The following CCDC178 variants were observed in gnomAD, a reference collection of about 807,000 sequenced individuals.
CCDC178 encodes the protein coiled-coil domain-containing protein 178.
Under a neutral mutation model 117.4 loss-of-function variants are expected in CCDC178, and 126 were observed. That is an observed-to-expected ratio of 1.07 (90% confidence interval 0.93 to 1.24). The LOEUF (loss-of-function observed/expected upper bound fraction) is 1.24, where lower values mean the gene tolerates loss of function less well. Among genes scored for constraint, CCDC178 ranks in the 50% most tolerant of loss-of-function variants. The pLI is 0.00. For synonymous variants in CCDC178, 283 were observed against 313.4 expected (o/e 0.90, Z 1.02); for missense variants, 1,030 against 986.9 (o/e 1.04, Z -0.59).
chr18:33,275,314 G>C (rs2144799017), intron 12 of CCDC178, among the ~76,000 whole-genome samples: 1 of 151,768 alleles, frequency 6.6e-6, no homozygotes, highest in African/African-American at 2.4e-5. Flanking sequence ...TATTTATTTT[G>C]AAAAACATAC....
intron 20 of CCDC178, among the ~76,000 whole-genome samples, chr18:33,130,619 T>C (rs2058058989): frequency 6.6e-6 from 1 of 151,978 alleles, no homozygotes; most frequent in South Asian, 2.1e-4. Context: ...CCAGGGGGCA[T>C]TCTCTTGGTA....
chr18:33,240,605 T>A (rs973497356), intron 15 of CCDC178, among the ~76,000 whole-genome samples: 1 of 151,536 alleles, frequency 6.6e-6, no homozygotes, highest in Non-Finnish European at 1.5e-5. Context: ...CTAATAAATA[T>A]GAAAACCTAG....
At chr18:33,425,383 G>T (rs896846043) in intron 2 of CCDC178, among the ~76,000 whole-genome samples, 2 of 152,126 alleles carry the variant, frequency 1.3e-5, no homozygotes, top group African/African-American at 4.8e-5. Context: ...AAGAAAAACA[G>T]AATTACAGGG....
chr18:33,383,164 G>A (rs2063457088), intron 5 of CCDC178, among the ~76,000 whole-genome samples: 1 of 152,176 alleles, frequency 6.6e-6, no homozygotes, highest in South Asian at 2.1e-4. Context: ...CACTGGGCAT[G>A]GACAGGGCCT....
chr18:33,440,618 G>C (rs1038036531), intron 1 of CCDC178, 35 bp downstream of exon 1: 2 of 148,480 alleles, frequency 1.3e-5, no homozygotes. Flanking sequence ...CGAGGCACAA[G>C]CGCCCGCGCC....
chr18:33,396,264 A>C (rs184078563), intron 4 of CCDC178, among the ~76,000 whole-genome samples: 34 of 152,250 alleles, frequency 2.2e-4, no homozygotes, highest in Admixed American at 1.8e-3. Flanking sequence ...GCTACATAGT[A>C]TGGGGATTGT....
chr18:33,013,347 G>C (rs1568217360), intron 21 of CCDC178, among the ~76,000 whole-genome samples: 2 of 151,968 alleles, frequency 1.3e-5, no homozygotes, highest in Non-Finnish European at 2.9e-5. Flanking sequence ...TAAGGGATTT[G>C]GGCCCTCTTG....
At chr18:33,256,146 C>A (rs772560028) in intron 14 of CCDC178, among the ~76,000 whole-genome samples, 2 of 151,842 alleles carry the variant, frequency 1.3e-5, no homozygotes, top group Non-Finnish European at 2.9e-5. Flanking sequence ...AATAATCTAG[C>A]AAATATTGCT....
chr18:33,424,110 C>T (rs997953483), intron 2 of CCDC178, among the ~76,000 whole-genome samples: 1 of 152,070 alleles, frequency 6.6e-6, no homozygotes, highest in East Asian at 1.9e-4. Flanking sequence ...GTAAATAGTG[C>T]AAATATATTG....
At chr18:32,990,831 A>C (rs2055373296) in intron 21 of CCDC178, among the ~76,000 whole-genome samples, 1 of 151,922 alleles carries the variant, frequency 6.6e-6, no homozygotes, top group South Asian at 2.1e-4. Context: ...GACTGATACC[A>C]ATATGAAAAA....
At chr18:33,355,198 G>A (rs1386865141) in intron 7 of CCDC178, among the ~76,000 whole-genome samples, 1 of 152,112 alleles carries the variant, frequency 6.6e-6, no homozygotes, top group Admixed American at 6.6e-5. Flanking sequence ...ATTTTAATGT[G>A]AAATAAAAAC....
intron 2 of CCDC178, among the ~76,000 whole-genome samples, chr18:33,424,514 T>C (rs2064086988): frequency 6.6e-6 from 1 of 152,130 alleles, no homozygotes; most frequent in Admixed American, 6.5e-5. Flanking sequence ...TCATACTTGG[T>C]TCTAAGCCAC....
chr18:33,376,281 C>T (rs533019379), intron 5 of CCDC178, among the ~76,000 whole-genome samples: 4 of 151,904 alleles, frequency 2.6e-5, no homozygotes, highest in South Asian at 4.2e-4. Context: ...GGGGGAGGGG[C>T]GGGGAGGGCG....
chr18:32,955,197 A>G (rs2054569786), intron 22 of CCDC178, among the ~76,000 whole-genome samples: 2 of 151,598 alleles, frequency 1.3e-5, no homozygotes, highest in Admixed American at 6.6e-5. Flanking sequence ...ATCAATTTCC[A>G]CTCCTCTGCT....
At chr18:33,245,116 T>C (rs1037210669) in intron 15 of CCDC178, 129 bp downstream of exon 15, 6 of 875,336 alleles carry the variant, frequency 6.9e-6, no homozygotes, top group African/African-American at 5.3e-5. Flanking sequence ...TTCTCATTTA[T>C]AAGAAGTGAG....
chr18:33,311,263 C>T (rs1228452724), intron 11 of CCDC178, among the ~76,000 whole-genome samples: 1 of 152,178 alleles, frequency 6.6e-6, no homozygotes, highest in Non-Finnish European at 1.5e-5. Context: ...ACAAACAATC[C>T]TATTTTATGT....
chr18:33,291,426 G>A (rs1323526980), intron 12 of CCDC178, among the ~76,000 whole-genome samples: 1 of 151,976 alleles, frequency 6.6e-6, no homozygotes, highest in Admixed American at 6.6e-5. Flanking sequence ...CACAGAAAAG[G>A]AAATACAAAT....
chr18:33,417,454 G>A (rs2063959753), intron 2 of CCDC178, among the ~76,000 whole-genome samples: 1 of 151,812 alleles, frequency 6.6e-6, no homozygotes, highest in African/African-American at 2.4e-5. Context: ...TAATATCAAG[G>A]AATGCTGTGG....
chr18:33,349,091 A>T (rs1009543140), intron 7 of CCDC178, 116 bp from the exon 8 acceptor site: 2 of 594,190 alleles, frequency 3.4e-6, no homozygotes, highest in African/African-American at 3.8e-5. Context: ...ACTATACAAG[A>T]TAATCTTACT....
Sources: gnomAD v4.1 joint callset for allele counts (sites outside exome capture counted in the v4.1 genomes callset) on GRCh38, gnomAD v4.1.1 for gene constraint, MANE v1.5 for transcripts, NCBI Gene and HGNC (gene_info 2026-07-23, HGNC 2026-07-21) for gene names.